Variants in ILKAP observed in about 807,000 individuals in gnomAD.
ILKAP encodes the protein integrin-linked kinase-associated serine/threonine phosphatase 2C.
ILKAP carries 11 observed loss-of-function variants against 49.1 expected under a neutral mutation model. That is an observed-to-expected ratio of 0.22 (90% CI 0.14 to 0.37). The LOEUF is 0.37. ILKAP is among the 10% of genes least tolerant of loss of function. The pLI is 1.00. For missense variants in ILKAP, 363 were observed against 510.8 expected (o/e 0.71, Z 2.79); for synonymous variants, 186 against 192.8 (o/e 0.96, Z 0.29).
chr2:238,195,092 A>G (rs764531650), intron 1 of ILKAP, among the ~76,000 whole-genome samples: 5 of 152,360 alleles, frequency 3.3e-5, no homozygotes, highest in Admixed American at 3.3e-4. Flanking sequence ...GCAATGATTG[A>G]TGCCCTAACA....
chr2:238,197,937 G>A (rs924511740), intron 1 of ILKAP, among the ~76,000 whole-genome samples: 1 of 152,140 alleles, frequency 6.6e-6, no homozygotes, highest in African/African-American at 2.4e-5. Flanking sequence ...TCAATTACCT[G>A]TTCAAGATCA....
Position 238,203,652 on chromosome 2 carries a change from A to G in ILKAP, c.-99T>C. The G allele has an allele frequency of 1.5e-6, 1 of 674,194 alleles. No homozygotes were observed. 41.8% of individuals were successfully genotyped at this position (674,194 alleles called of 1,614,324 possible). On this transcript the variant is annotated 5_prime_UTR_variant, in exon 1 of 12. Transcript: ENST00000254654. Reference sequence around the variant, plus strand: ...GGCGGGCGGCAGCAGCGGGCGGGCGACGGGCAGGGGCGGCCGGCGCCGTCA... The same window carrying G: ...GGCGGGCGGCAGCAGCGGGCGGGCGGCGGGCAGGGGCGGCCGGCGCCGTCA...
chr2:238,189,465 G>C (rs1031056048), intron 4 of ILKAP, among the ~76,000 whole-genome samples: 2 of 152,186 alleles, frequency 1.3e-5, no homozygotes, highest in Admixed American at 6.5e-5. Flanking sequence ...TCCAGGCTTA[G>C]GGAAGCTGCC....
In ILKAP at chr2:238,189,898, C is replaced by T. The variant is rs1430269799; in HGVS notation, c.253G>A (p.Glu85Lys). The change falls in exon 4 of 12, where the codon GAG becomes AAG. Residue 85 changes from glutamate (E) to lysine (K), a missense_variant. Around this residue, in one of 3 missense-constraint regions of ILKAP, gnomAD observed 114 missense variants for 116.0 expected, o/e 0.98. Coordinates refer to ENST00000254654, the MANE Select transcript of ILKAP (RefSeq NM_030768.3). ...KGAKRKTSEE[E>K]KNGSEELVEK... is the part of the protein sequence containing the mutation. ...ACAAGCTCTTCACTGCCATTCTTCT[C>T]TTCCTCGGAGGTTTTTCTCTTTGCT... is the stretch of plus-strand genomic sequence containing the variant. The T allele has an allele frequency of 6.2e-7, 1 of 1,613,984 alleles. No homozygotes were observed. Among genetic ancestry groups the T allele is most frequent in the Non-Finnish European group, 8.5e-7 (1 of 1,179,958 alleles).
chr2:238,195,791 C>T (rs145559491), intron 1 of ILKAP, among the ~76,000 whole-genome samples: 1,769 of 152,196 alleles, frequency 0.012, 17 homozygotes, highest in Non-Finnish European at 0.02. Context: ...GCCTATAAAC[C>T]CAGCACTTCG....
In ILKAP at chr2:238,194,296, G is replaced by A; in HGVS notation, c.157C>T (p.Pro53Ser). 2 of 1,614,020 alleles carry A rather than the reference G, an allele frequency of 1.2e-6. No homozygotes were observed. The highest frequency in any genetic ancestry group is 2.2e-5 in the South Asian group (2 of 91,060). The change falls in exon 3 of 12, where the codon CCC becomes TCC. Residue 53 changes from proline (P) to serine (S), a missense_variant. Physicochemically the swap from Pro to Ser is moderately conservative, Grantham distance 74 (BLOSUM62 -1). This residue lies in a region of ILKAP where 114 missense variants were observed against 116.0 expected (regional missense o/e 0.98). Transcript: ENST00000254654. ...GGPLLFDDLPPASSGDSGSLA... is the reference protein window; with the variant it reads ...GGPLLFDDLPSASSGDSGSLA... ...TTACCTGAATCGCCACTGCTAGCGG[G>A]TGGGAGATCATCAAAAAGCAAAGGT...
At chr2:238,170,908 T>C (rs1369263825) in intron 11 of ILKAP, 35 bp downstream of exon 11, 3 of 1,583,228 alleles carry the variant, frequency 1.9e-6, no homozygotes, top group Non-Finnish European at 2.6e-6. Flanking sequence ...AAGACACAAT[T>C]GGGACAACCA....
intron 5 of ILKAP, chr2:238,186,433 G>C (rs564893429): frequency 4.6e-5 from 7 of 152,442 alleles, no homozygotes; most frequent in African/African-American, 1.7e-4. Context: ...AGGAGTTCAA[G>C]ACCAGCCTGG....
chr2:238,185,117 TCA>T, intron 6 of ILKAP, 62 bp downstream of exon 6: 1 of 1,012,938 alleles, frequency 9.9e-7, no homozygotes, highest in Non-Finnish European at 1.6e-6. Flanking sequence ...TCTGACTGCT[TCA>T]CACAGCCAAC....
chr2:238,198,392 C>T (rs1189168448), intron 1 of ILKAP, among the ~76,000 whole-genome samples: 1 of 151,714 alleles, frequency 6.6e-6, no homozygotes, highest in Non-Finnish European at 1.5e-5. Flanking sequence ...GCATACACCA[C>T]CATGCCCAGC....
At chr2:238,201,686 T>C (rs1694575496) in intron 1 of ILKAP, among the ~76,000 whole-genome samples, 1 of 152,198 alleles carries the variant, frequency 6.6e-6, no homozygotes, top group African/African-American at 2.4e-5. Context: ...GAGCAGAACC[T>C]AATTAATTGC....
At chr2:238,195,419 T>C (rs1394127109) in intron 1 of ILKAP, among the ~76,000 whole-genome samples, 1 of 139,088 alleles carries the variant, frequency 7.2e-6, no homozygotes, top group African/African-American at 2.5e-5. Context: ...TAAATAGCTA[T>C]GGAGAAAATA....
rs776285273 is a variant in ILKAP, at chr2:238,173,541, TG to T, written c.948del (p.Asn317MetfsTer22). Reference protein sequence around the residue: ...VPDIRRCQLTPNDRFILLACD... With the variant: ...VPDIRRCQLTXNDRFILLACD... Reference sequence around the variant, plus strand: ...TCTTATAGGGCCTTTTACCTGTCATTGGGGGTCAGCTGGCAGCGTCTGATGT... The same window carrying T: ...TCTTATAGGGCCTTTTACCTGTCATTGGGGTCAGCTGGCAGCGTCTGATGT... On this transcript the variant is annotated frameshift_variant, in exon 10 of 12. Coordinates refer to ENST00000254654, the MANE Select transcript of ILKAP (RefSeq NM_030768.3). LOFTEE classifies it high-confidence loss of function. 6.2e-7 allele frequency: 1 copy of T among 1,613,476 alleles called. No individual in the cohort carries two copies. The highest frequency in any genetic ancestry group is 8.5e-7 in the Non-Finnish European group (1 of 1,179,546).
intron 9 of ILKAP, among the ~76,000 whole-genome samples, chr2:238,176,006 CTGTT>C (rs998839053): frequency 5.9e-5 from 9 of 152,132 alleles, no homozygotes; most frequent in Non-Finnish European, 1.2e-4. Flanking sequence ...AGAAAGCTGT[CTGTT>C]TCACAGCAGG....
At chr2:238,192,774 G>A (rs1268359827) in intron 3 of ILKAP, among the ~76,000 whole-genome samples, 1 of 152,036 alleles carries the variant, frequency 6.6e-6, no homozygotes, top group Non-Finnish European at 1.5e-5. Context: ...CAGCACTTTG[G>A]GAGGCTGAGG....
chr2:238,199,470 G>A (rs932499971), intron 1 of ILKAP, among the ~76,000 whole-genome samples: 1 of 152,162 alleles, frequency 6.6e-6, no homozygotes. Flanking sequence ...TAGTTCCTCA[G>A]CAACTTTCTG....
intron 9 of ILKAP, among the ~76,000 whole-genome samples, chr2:238,179,094 C>CA (rs1010032475): frequency 5.3e-5 from 8 of 152,198 alleles, no homozygotes; most frequent in Admixed American, 3.9e-4. Flanking sequence ...TGAGCCACTG[C>CA]ACCCAGCCTG....
rs775587080 is a variant in ILKAP, at chr2:238,170,522, C to G, written c.*14G>C. ...AAGTCAATACCATGCGTGCTCCTGG[C>G]CGCGCGCCACCCCTCAGTGCCCTAT... On this transcript the variant is annotated 3_prime_UTR_variant, in exon 12 of 12. Coordinates refer to ENST00000254654, the MANE Select transcript of ILKAP (RefSeq NM_030768.3). 6.3e-7 allele frequency: 1 copy of G among 1,581,148 alleles called. No individual in the cohort carries two copies. Among genetic ancestry groups the G allele is most frequent in the South Asian group, 1.1e-5 (1 of 88,624 alleles).
At position 238,173,587 on chromosome 2, in the gene ILKAP, G is replaced by A. The variant is rs747647478; in HGVS notation, c.903C>T (p.Cys301=). The A allele has an allele frequency of 1.1e-5, 17 of 1,613,836 alleles. No individual in the cohort carries two copies. Among genetic ancestry groups the A allele is most frequent in the South Asian group, 3.3e-5 (3 of 91,082 alleles). ...RSIGDGQYKR[C]GVTSVPDIRR... is the part of the protein sequence containing the mutation. ...TGATGTCGGGCACAGAGGTGACACC[G>A]CAGCGCTTGTACTGCCCGTCCCCAA... Residue 301 remains cysteine (C), a synonymous_variant, in exon 10 of 12, where the codon TGC becomes TGT. Coordinates refer to ENST00000254654, the MANE Select transcript of ILKAP (RefSeq NM_030768.3).
Sources: gnomAD v4.1 joint callset for allele counts (sites outside exome capture counted in the v4.1 genomes callset) on GRCh38, gnomAD v4.1.1 for gene constraint, gnomAD v4.1.1 regional missense constraint, MANE v1.5 for transcripts, NCBI Gene and HGNC (gene_info 2026-07-23, HGNC 2026-07-21) for gene names.